The following FBXW7 variants were observed in gnomAD, a reference collection of about 807,000 sequenced individuals.
FBXW7 encodes the protein F-box/WD repeat-containing protein 7.
Under a neutral mutation model 86.3 loss-of-function variants are expected in FBXW7, and 11 were observed. That is an observed-to-expected ratio of 0.13 (90% CI 0.08 to 0.21). The LOEUF is 0.21. FBXW7 is among the 10% of genes least tolerant of loss of function. The pLI, the probability that FBXW7 is intolerant of heterozygous loss-of-function variation, is 1.00. For synonymous variants in FBXW7, 313 were observed against 297.9 expected, an observed-to-expected ratio of 1.05 and a Z score of -0.52; for missense variants, 488 against 847.4, an observed-to-expected ratio of 0.58 and a Z score of 5.27.
At chr4:152,335,847 T>G (rs1320359627) in intron 7 of FBXW7, among the ~76,000 whole-genome samples, 3 of 152,190 alleles carry the variant, frequency 2.0e-5, no homozygotes, top group South Asian at 2.1e-4. Flanking sequence ...GATCATCTAT[T>G]GTATGATTAT....
chr4:152,414,976 G>A (rs1336861826), intron 2 of FBXW7, among the ~76,000 whole-genome samples: 2 of 152,092 alleles, frequency 1.3e-5, no homozygotes, highest in South Asian at 2.1e-4. Context: ...CTACCTTGGG[G>A]GAGGGGGGTG....
chr4:152,355,117 T>C (rs1309647096), intron 4 of FBXW7, among the ~76,000 whole-genome samples: 2 of 152,120 alleles, frequency 1.3e-5, no homozygotes, highest in African/African-American at 4.8e-5. Context: ...ATTTTCAACA[T>C]TCTCTGACGT....
chr4:152,525,799 T>C (rs1473262932), intron 2 of FBXW7, among the ~76,000 whole-genome samples: 1 of 147,738 alleles, frequency 6.8e-6, no homozygotes, highest in Non-Finnish European at 1.5e-5. Context: ...ATGAATTATA[T>C]TCTTCTGGGT....
chr4:152,360,821 T>C (rs10023172), intron 4 of FBXW7, among the ~76,000 whole-genome samples: 58,697 of 146,570 alleles, frequency 0.4, 12,804 homozygotes, highest in African/African-American at 0.58. Flanking sequence ...TAGAAAAATA[T>C]ATTAAAATAT....
chr4:152,461,734 T>C (rs549210506), intron 2 of FBXW7, among the ~76,000 whole-genome samples: 26 of 152,346 alleles, frequency 1.7e-4, no homozygotes, highest in African/African-American at 6.3e-4. Flanking sequence ...TAGCAAGTTA[T>C]AGCAACCAGA....
chr4:152,462,738 T>G (rs1743065737), intron 2 of FBXW7, among the ~76,000 whole-genome samples: 1 of 152,220 alleles, frequency 6.6e-6, no homozygotes, highest in Non-Finnish European at 1.5e-5. Context: ...CTTATAATTG[T>G]TAGCTGAAAG....
intron 2 of FBXW7, among the ~76,000 whole-genome samples, chr4:152,498,892 T>A (rs1257021233): frequency 2.0e-5 from 3 of 152,170 alleles, no homozygotes; most frequent in Admixed American, 1.3e-4. Context: ...TATAAGTGCT[T>A]GACAATTTTT....
At chr4:152,340,495 C>A (rs975514918) in intron 6 of FBXW7, among the ~76,000 whole-genome samples, 12 of 143,442 alleles carry the variant, frequency 8.4e-5, no homozygotes, top group African/African-American at 3.1e-4. Flanking sequence ...AGGAGAATGG[C>A]GTGAACCCGG....
chr4:152,408,481 A>C (rs915530854), intron 4 of FBXW7, among the ~76,000 whole-genome samples: 27 of 152,234 alleles, frequency 1.8e-4, no homozygotes, highest in African/African-American at 6.5e-4. Flanking sequence ...TATGGATTCA[A>C]GAGAGTATGA....
chr4:152,503,629 T>C (rs1747155091), intron 2 of FBXW7, among the ~76,000 whole-genome samples: 1 of 148,204 alleles, frequency 6.7e-6, no homozygotes, highest in Non-Finnish European at 1.5e-5. Context: ...TAAGAAAAAG[T>C]TGTCACTATG....
At chr4:152,425,857 A>C (rs1739335251) in intron 2 of FBXW7, among the ~76,000 whole-genome samples, 1 of 152,178 alleles carries the variant, frequency 6.6e-6, no homozygotes, top group African/African-American at 2.4e-5. Flanking sequence ...TAAAGCGGGG[A>C]GCTCTACAAG....
intron 4 of FBXW7, among the ~76,000 whole-genome samples, chr4:152,366,922 T>G (rs927675048): frequency 8.5e-5 from 13 of 152,138 alleles, no homozygotes; most frequent in Admixed American, 6.6e-4. Context: ...GTGGCAAATA[T>G]ACATCATGGA....
intron 6 of FBXW7, among the ~76,000 whole-genome samples, chr4:152,346,588 A>C (rs1731287535): frequency 6.6e-6 from 1 of 152,154 alleles, no homozygotes; most frequent in Non-Finnish European, 1.5e-5. Flanking sequence ...CAGTATATTC[A>C]CCTTGCTGTG....
At chr4:152,410,186 C>A (rs542507326) in intron 4 of FBXW7, among the ~76,000 whole-genome samples, 53 of 152,162 alleles carry the variant, frequency 3.5e-4, no homozygotes, top group African/African-American at 1.3e-3. Flanking sequence ...TGCAATTGGA[C>A]CTTAAGTATT....
chr4:152,488,236 G>A (rs556198238), intron 2 of FBXW7, among the ~76,000 whole-genome samples: 1 of 152,036 alleles, frequency 6.6e-6, no homozygotes, highest in Admixed American at 6.5e-5. Context: ...TAAGACTGGT[G>A]CATAAAAAAA....
chr4:152,463,184 G>A (rs1232543990), intron 2 of FBXW7, among the ~76,000 whole-genome samples: 2 of 151,908 alleles, frequency 1.3e-5, no homozygotes, highest in Non-Finnish European at 2.9e-5. Flanking sequence ...GCTACTTGGA[G>A]GCTGACGCAT....
intron 2 of FBXW7, among the ~76,000 whole-genome samples, chr4:152,445,938 A>C (rs1397258673): frequency 7.4e-6 from 1 of 135,902 alleles, no homozygotes; most frequent in African/African-American, 2.9e-5. Context: ...AAAAAAAAAA[A>C]AAAACCAAAG....
At chr4:152,337,667 C>G in intron 7 of FBXW7, 135 bp downstream of exon 7, 11 of 850,418 alleles carry the variant, frequency 1.3e-5, no homozygotes, top group Non-Finnish European at 1.8e-5. Flanking sequence ...ATTTACAGCC[C>G]TCTTTACCAC....
chr4:152,525,534 T>C (rs999370610), intron 2 of FBXW7, among the ~76,000 whole-genome samples: 7 of 152,208 alleles, frequency 4.6e-5, no homozygotes, highest in African/African-American at 1.4e-4. Context: ...CTCCCACTTA[T>C]AAGTGAGAAC....
Sources: allele counts gnomAD v4.1 joint callset (sites outside exome capture counted in the v4.1 genomes callset), GRCh38; gene constraint gnomAD v4.1.1; transcripts MANE v1.5; gene names NCBI Gene and HGNC (gene_info 2026-07-23, HGNC 2026-07-21).